Variants in DAB1 observed in about 807,000 individuals in gnomAD.
The protein encoded by DAB1 is disabled homolog 1.
DAB1 carries 15 observed loss-of-function variants against 64.6 expected under a neutral mutation model. That is an observed-to-expected ratio of 0.23 (90% CI 0.16 to 0.36). The LOEUF is 0.36. Among genes scored for constraint, DAB1 ranks in the 10% least tolerant of loss-of-function variants. The probability of loss-of-function intolerance (pLI) is 1.00; values close to 1 mark genes in which losing one functional copy is unlikely to be tolerated. For synonymous variants in DAB1, 235 were observed against 251.9 expected (o/e 0.93, Z 0.64); for missense variants, 596 against 706.7 (o/e 0.84, Z 1.78).
At chr1:57,942,798 T>C (rs1209461) in intron 5 of DAB1, among the ~76,000 whole-genome samples, 86,084 of 151,946 alleles carry the variant, frequency 0.57, 24,962 homozygotes, top group African/African-American at 0.6. Flanking sequence ...GCCTGCCTGC[T>C]CACTCTGGTT....
chr1:57,849,956 T>C (rs1653446262), intron 1 of DAB1, among the ~76,000 whole-genome samples: 1 of 152,198 alleles, frequency 6.6e-6, no homozygotes, highest in African/African-American at 2.4e-5. Flanking sequence ...ATGTGGGAAG[T>C]GACCCTCGAT....
At chr1:57,108,180 A>G (rs928179783) in intron 4 of DAB1, among the ~76,000 whole-genome samples, 4 of 152,152 alleles carry the variant, frequency 2.6e-5, no homozygotes, top group Non-Finnish European at 5.9e-5. Flanking sequence ...AGCACAATAT[A>G]TTATCCCCAA....
intron 1 of DAB1, among the ~76,000 whole-genome samples, chr1:57,362,312 CT>C (rs1392387304): frequency 8.0e-5 from 12 of 150,558 alleles, no homozygotes; most frequent in African/African-American, 2.9e-4. Context: ...ACAACATGTG[CT>C]CAAAAAACGT....
At chr1:57,805,778 G>A (rs1402856234) in intron 6 of DAB1, among the ~76,000 whole-genome samples, 1 of 152,062 alleles carries the variant, frequency 6.6e-6, no homozygotes, top group Non-Finnish European at 1.5e-5. Flanking sequence ...CCATTGCTCA[G>A]GTACTGAACC....
chr1:58,304,028 T>G (rs977214467), intron 4 of DAB1, among the ~76,000 whole-genome samples: 4 of 152,196 alleles, frequency 2.6e-5, no homozygotes, highest in African/African-American at 9.6e-5. Flanking sequence ...ATTTTGATTA[T>G]ATTAGCCTTG....
chr1:57,168,487 C>T (rs539942019), intron 2 of DAB1, among the ~76,000 whole-genome samples: 14 of 152,288 alleles, frequency 9.2e-5, no homozygotes, highest in Middle Eastern at 3.4e-3. Flanking sequence ...TCCCATATGT[C>T]TTCACATCTG....
chr1:57,326,046 G>A (rs960110035), intron 1 of DAB1, among the ~76,000 whole-genome samples: 2 of 152,160 alleles, frequency 1.3e-5, no homozygotes, highest in African/African-American at 4.8e-5. Flanking sequence ...GGATTTCTCC[G>A]AGTTCTACAC....
chr1:57,524,444 A>G (rs1419660634), intron 7 of DAB1, among the ~76,000 whole-genome samples: 1 of 152,246 alleles, frequency 6.6e-6, no homozygotes, highest in East Asian at 1.9e-4. Flanking sequence ...TTGTGTGAGC[A>G]CATAGATGTT....
chr1:57,477,142 G>A (rs1357783), intron 7 of DAB1, among the ~76,000 whole-genome samples: 65,882 of 152,044 alleles, frequency 0.43, 15,227 homozygotes, highest in African/African-American at 0.57. Context: ...ACAAAGATCT[G>A]TTGCACACAG....
At position 56,995,398 on chromosome 1, in the gene DAB1, G is replaced by A. The variant is rs1341238779; in HGVS notation, c.*2746C>T. 1 of 152,120 alleles carries A rather than the reference G, an allele frequency of 6.6e-6. No individual in the cohort carries two copies. Among genetic ancestry groups the A allele is most frequent in the Admixed American group, 6.5e-5 (1 of 15,270 alleles). 9.4% of individuals were successfully genotyped at this position (152,120 alleles called of 1,614,324 possible). On this transcript the variant is annotated 3_prime_UTR_variant, in exon 15 of 15. Coordinates refer to ENST00000371236, the MANE Select transcript of DAB1 (RefSeq NM_001365792.1). ...CTTCCAGGCTCACCAAACAGTGCTT[G>A]GAAAAAAATCAGAATTCTGCCAATG...
chr1:57,954,563 T>G (rs140275674), intron 5 of DAB1, among the ~76,000 whole-genome samples: 2 of 152,298 alleles, frequency 1.3e-5, no homozygotes, highest in South Asian at 2.1e-4. Flanking sequence ...AGAGCAAGGT[T>G]GATTTGAGTC....
chr1:57,969,264 A>G (rs1034391515), intron 5 of DAB1, among the ~76,000 whole-genome samples: 1 of 152,280 alleles, frequency 6.6e-6, no homozygotes, highest in Middle Eastern at 3.4e-3. Flanking sequence ...TCTTACCAAT[A>G]TATCACTTTA....
At chr1:57,233,615 T>C (rs1042255335) in intron 2 of DAB1, among the ~76,000 whole-genome samples, 3 of 151,056 alleles carry the variant, frequency 2.0e-5, no homozygotes, top group Non-Finnish European at 4.4e-5. Context: ...AAATATTAGC[T>C]AGGCGTGGTG....
intron 1 of DAB1, among the ~76,000 whole-genome samples, chr1:57,382,404 T>A (rs1315213607): frequency 1.3e-5 from 2 of 152,206 alleles, no homozygotes; most frequent in Non-Finnish European, 2.9e-5. Flanking sequence ...CAACAAACGT[T>A]TATTGAGTGC....
At chr1:57,383,253 C>T (rs1280659855) in intron 1 of DAB1, among the ~76,000 whole-genome samples, 1 of 152,124 alleles carries the variant, frequency 6.6e-6, no homozygotes, top group African/African-American at 2.4e-5. Context: ...TTTTGAGGGC[C>T]TAGCACATAC....
At chr1:57,390,986 A>G (rs550087654) in intron 1 of DAB1, among the ~76,000 whole-genome samples, 3 of 152,174 alleles carry the variant, frequency 2.0e-5, no homozygotes, top group Non-Finnish European at 2.9e-5. Context: ...CAAATAGTTT[A>G]AGTTCTTCCA....
intron 5 of DAB1, among the ~76,000 whole-genome samples, chr1:58,072,983 T>C (rs12041539): frequency 0.11 from 17,446 of 152,240 alleles, 1,587 homozygotes; most frequent in East Asian, 0.45. Context: ...AAGTAGTTTA[T>C]ACATAACTCA....
chr1:58,141,806 G>C (rs892605891), intron 5 of DAB1, among the ~76,000 whole-genome samples: 1 of 152,204 alleles, frequency 6.6e-6, no homozygotes, highest in Non-Finnish European at 1.5e-5. Context: ...TCTGGGTAGA[G>C]GGAACAGCTT....
At chr1:57,239,248 C>T (rs900471087) in intron 2 of DAB1, among the ~76,000 whole-genome samples, 1 of 152,204 alleles carries the variant, frequency 6.6e-6, no homozygotes, top group African/African-American at 2.4e-5. Flanking sequence ...TCTCGTCCAT[C>T]TAAAAGAATC....
Sources: allele counts gnomAD v4.1 joint callset (sites outside exome capture counted in the v4.1 genomes callset), GRCh38; gene constraint gnomAD v4.1.1; transcripts MANE v1.5; gene names NCBI Gene and HGNC (gene_info 2026-07-23, HGNC 2026-07-21).